Variants in CA13 observed in about 807,000 individuals in gnomAD.
CA13 encodes the protein CA-XIII.
A neutral mutation model predicts 31.5 loss-of-function variants in CA13; 21 were observed. That is an observed-to-expected ratio of 0.67 (90% confidence interval 0.47 to 0.96). CA13 has a LOEUF of 0.96. CA13 is among the 40% of genes least tolerant of loss of function. CA13 has a pLI of 0.00. For missense variants in CA13, 315 were observed against 318.9 expected (o/e 0.99, Z 0.09); for synonymous variants, 117 against 111.4 (o/e 1.05, Z -0.32).
At chr8:85,257,572 C>T (rs1342112863) in intron 2 of CA13, among the ~76,000 whole-genome samples, 1 of 150,672 alleles carries the variant, frequency 6.6e-6, no homozygotes, top group African/African-American at 2.4e-5. Context: ...AAAAAAAATA[C>T]AACTAGCTGG....
At chr8:85,279,594 T>A (rs970305096) in intron 6 of CA13, among the ~76,000 whole-genome samples, 1 of 152,158 alleles carries the variant, frequency 6.6e-6, no homozygotes, top group Non-Finnish European at 1.5e-5. Flanking sequence ...ATGATCAAGT[T>A]CCAGAGGGGT....
chr8:85,274,230 T>C (rs901323788), intron 6 of CA13, among the ~76,000 whole-genome samples: 1 of 152,164 alleles, frequency 6.6e-6, no homozygotes, highest in African/African-American at 2.4e-5. Context: ...AGGCGTGACA[T>C]AGGGGTGGCG....
rs1157399634 is a variant in CA13 at position 85,268,493 on chromosome 8, A to C, written c.535A>C (p.Asn179His). 6.2e-7 allele frequency: 1 copy of C among 1,614,098 alleles called. No homozygotes were observed. Residue 179 changes from asparagine (N) to histidine (H), a missense_variant, in exon 6 of 7, where the codon AAT becomes CAT. Asn to His is a moderately conservative substitution (Grantham distance 68). Coordinates refer to ENST00000321764, the MANE Select transcript of CA13 (RefSeq NM_198584.3). ...CCAGGGTAAACAAACTCGATTCACA[A>C]ATTTTGACCTATTGTCTCTGCTTCC... ...KEKGKQTRFT[N>H]FDLLSLLPPS...
chr8:85,265,479 G>A (rs1433327899), intron 3 of CA13, among the ~76,000 whole-genome samples: 3 of 152,150 alleles, frequency 2.0e-5, no homozygotes, highest in African/African-American at 7.2e-5. Context: ...GCATAAGGCC[G>A]CTGCATATGA....
At chr8:85,280,904 G>A (rs1388223667) in intron 6 of CA13, among the ~76,000 whole-genome samples, 1 of 152,146 alleles carries the variant, frequency 6.6e-6, no homozygotes, top group Non-Finnish European at 1.5e-5. Context: ...ATGTATGTAT[G>A]TGTGTTTATA....
At chr8:85,259,624 A>G (rs1807350743) in intron 3 of CA13, 85 bp downstream of exon 3, 2 of 1,057,990 alleles carry the variant, frequency 1.9e-6, no homozygotes, top group Admixed American at 1.8e-5. Flanking sequence ...CTGATTCCAA[A>G]TAGATCCTGA....
At chr8:85,274,634 T>A (rs1376085707) in intron 6 of CA13, among the ~76,000 whole-genome samples, 3 of 152,236 alleles carry the variant, frequency 2.0e-5, no homozygotes, top group African/African-American at 7.2e-5. Flanking sequence ...GTAGCCTGTT[T>A]TGAAAAATTG....
chr8:85,267,140 G>A (rs932340305), intron 4 of CA13: 1 of 541,058 alleles, frequency 1.8e-6, no homozygotes, highest in Non-Finnish European at 2.4e-6. Context: ...ACGTTCACAT[G>A]TGGTTAGACA....
At chr8:85,245,935 G>A (rs1813718785) in intron 1 of CA13, 70 bp downstream of exon 1, 2 of 1,567,166 alleles carry the variant, frequency 1.3e-6, no homozygotes, top group African/African-American at 1.4e-5. Context: ...ACGCCCCGGC[G>A]CTCGCTGACC....
intron 6 of CA13, 37 bp downstream of exon 6, chr8:85,268,664 A>T: frequency 6.7e-7 from 1 of 1,496,866 alleles, no homozygotes; most frequent in Admixed American, 2.2e-5. Flanking sequence ...TGATTCCCTC[A>T]GAGGAAACTG....
chr8:85,277,300 C>T (rs968357402), intron 6 of CA13, among the ~76,000 whole-genome samples: 5 of 151,906 alleles, frequency 3.3e-5, no homozygotes, highest in East Asian at 1.9e-4. Flanking sequence ...AGCGAGACCA[C>T]GAACCCACCG....
intron 6 of CA13, among the ~76,000 whole-genome samples, chr8:85,276,092 G>C (rs563914732): frequency 3.3e-4 from 51 of 152,268 alleles, no homozygotes; most frequent in Admixed American, 1.6e-3. Context: ...GTGGGGCTGC[G>C]GGCGGTGCTT....
Position 85,250,726 on chromosome 8 carries a change from C to G in CA13, c.38-14C>G. On this transcript the variant is annotated splice_polypyrimidine_tract_variant and intron_variant, in intron 1 of 6. Transcript: ENST00000321764. Reference sequence around the variant, plus strand: ...ACTTATTTAATCCTTTTCTTTTGGTCCTATATATTTAAGGTCCTATTCACT... The same window carrying G: ...ACTTATTTAATCCTTTTCTTTTGGTGCTATATATTTAAGGTCCTATTCACT... 6.5e-7 allele frequency: 1 copy of G among 1,542,660 alleles called. No individual in the cohort carries two copies. The highest frequency in any genetic ancestry group is 1.1e-5 in the South Asian group (1 of 89,070).
intron 3 of CA13, 54 bp downstream of exon 3, chr8:85,259,593 A>G (rs1044030976): frequency 2.4e-5 from 34 of 1,412,488 alleles, no homozygotes; most frequent in Non-Finnish European, 3.3e-5. Context: ...GTGGAATTTA[A>G]GGGGTACAGA....
At chr8:85,273,872 G>A (rs898064662) in intron 6 of CA13, among the ~76,000 whole-genome samples, 2 of 152,164 alleles carry the variant, frequency 1.3e-5, no homozygotes, top group South Asian at 2.1e-4. Context: ...GGGTGCAGAC[G>A]GGCTGAGGTC....
intron 3 of CA13, among the ~76,000 whole-genome samples, chr8:85,265,926 T>G (rs1226197124): frequency 6.6e-6 from 1 of 152,210 alleles, no homozygotes; most frequent in Non-Finnish European, 1.5e-5. Context: ...TAGTAAACAT[T>G]TAACTGGACA....
chr8:85,270,650 T>C, intron 6 of CA13, among the ~76,000 whole-genome samples: 1 of 152,210 alleles, frequency 6.6e-6, no homozygotes, highest in East Asian at 1.9e-4. Context: ...ATCAAGGTAG[T>C]TAATAAGGGA....
At chr8:85,274,801 C>T (rs1042812969) in intron 6 of CA13, among the ~76,000 whole-genome samples, 2 of 152,104 alleles carry the variant, frequency 1.3e-5, no homozygotes, top group African/African-American at 2.4e-5. Flanking sequence ...GTGGCAGGAC[C>T]GTAATATTCG....
chr8:85,252,014 T>G (rs1443752518), intron 2 of CA13, among the ~76,000 whole-genome samples: 1 of 152,100 alleles, frequency 6.6e-6, no homozygotes, highest in Non-Finnish European at 1.5e-5. Context: ...TCCCAGCACT[T>G]TGGGAGGCTG....
Sources: allele counts gnomAD v4.1 joint callset (sites outside exome capture counted in the v4.1 genomes callset), GRCh38; gene constraint gnomAD v4.1.1; transcripts MANE v1.5; gene names NCBI Gene and HGNC (gene_info 2026-07-23, HGNC 2026-07-21).